SETDB2: variants seen among roughly 807,000 people sequenced by gnomAD.
SETDB2 encodes the protein histone-lysine N-methyltransferase SETDB2.
In SETDB2, 56 loss-of-function variants were observed where a neutral mutation model predicts 82.5. The observed-to-expected ratio is 0.68, with a 90% confidence interval of 0.55 to 0.85. SETDB2 has a LOEUF of 0.85. Among genes scored for constraint, SETDB2 ranks in the 40% least tolerant of loss-of-function variants. SETDB2 has a pLI of 0.00. For missense variants in SETDB2, 677 were observed against 816.4 expected (o/e 0.83, Z 2.08); for synonymous variants, 272 against 284.9 (o/e 0.95, Z 0.46).
intron 1 of SETDB2, chr13:49,446,342 C>CT (rs1957686297): frequency 2.2e-6 from 1 of 454,058 alleles, no homozygotes; most frequent in African/African-American, 2.0e-5. Flanking sequence ...CGTATTTTTC[C>CT]TTCTTGAAAG....
At chr13:49,461,893 A>G (rs917325590) in intron 4 of SETDB2, among the ~76,000 whole-genome samples, 43 of 152,302 alleles carry the variant, frequency 2.8e-4, no homozygotes, top group African/African-American at 1.0e-3. Flanking sequence ...CTCAGATTCC[A>G]TGATTTGCTA....
intron 4 of SETDB2, among the ~76,000 whole-genome samples, chr13:49,462,120 GT>G (rs1958006794): frequency 6.6e-6 from 1 of 152,152 alleles, no homozygotes; most frequent in Non-Finnish European, 1.5e-5. Flanking sequence ...GAACCCTGTT[GT>G]TCAGGGGTTT....
Position 49,476,525 on chromosome 13 carries a change from T to G in SETDB2, c.355T>G (p.Phe119Val). The G allele has an allele frequency of 6.2e-7, 1 of 1,612,498 alleles. No homozygotes were observed. Residue 119 changes from phenylalanine to valine, a missense_variant, in exon 6 of 14, where the codon TTT (phenylalanine) becomes GTT (valine). This residue lies in a region of SETDB2 where 243 missense variants were observed against 237.2 expected (regional missense o/e 1.02). Transcript: ENST00000611815. ...ILSLEDKVVD[F>V]REKDSSSNLS... ...CTCTCTTGAAGATAAAGTTGTAGAC[T>G]TTAGAGAAAAAGACTCATCTTCGAA...
rs1958734221 is a variant in SETDB2, at chr13:49,492,624, T to G, written c.*775T>G. On this transcript the variant is annotated 3_prime_UTR_variant, in exon 14 of 14. Coordinates refer to ENST00000611815, the MANE Select transcript of SETDB2 (RefSeq NM_001160308.3). ...TAGAAAGTAGTCACACGTTGCTTATTTAGGCCAGAAGTAATTGTACTGGGC... is the reference window on the plus strand; with the variant it reads ...TAGAAAGTAGTCACACGTTGCTTATGTAGGCCAGAAGTAATTGTACTGGGC... The G allele has an allele frequency of 6.6e-6, 1 of 152,212 alleles. No individual in the cohort carries two copies. Among genetic ancestry groups the G allele is most frequent in the Non-Finnish European group, 1.5e-5 (1 of 68,056 alleles). 9.4% of individuals were successfully genotyped at this position (152,212 alleles called of 1,614,324 possible). A position where few individuals can be genotyped will look rare whatever the true frequency, so the allele number is the denominator to read the frequency against.
intron 5 of SETDB2, among the ~76,000 whole-genome samples, chr13:49,469,048 C>G (rs921518332): frequency 6.6e-6 from 1 of 152,124 alleles, no homozygotes; most frequent in Non-Finnish European, 1.5e-5. Context: ...AACTTAAATG[C>G]AGGAGTGGTT....
In SETDB2 at chr13:49,482,733, T is replaced by G; in HGVS notation, c.1157-4T>G. 6.3e-7 allele frequency: 1 copy of G among 1,588,690 alleles called. No individual in the cohort carries two copies. The highest frequency in any genetic ancestry group is 8.6e-7 in the Non-Finnish European group (1 of 1,160,824). On this transcript the variant is annotated splice_polypyrimidine_tract_variant and splice_region_variant and intron_variant, in intron 8 of 13. Coordinates refer to ENST00000611815, the MANE Select transcript of SETDB2 (RefSeq NM_001160308.3). ...GTTCAAACTCTTTAACATTTTCCTT[T>G]TAGGAAGATTACTAAGCAGAGCTAA...
intron 6 of SETDB2, among the ~76,000 whole-genome samples, chr13:49,479,417 CAG>C (rs1958433881): frequency 6.6e-6 from 1 of 152,188 alleles, no homozygotes; most frequent in Admixed American, 6.5e-5. Context: ...TATCTGTAAA[CAG>C]AATCCAAATT....
intron 2 of SETDB2, among the ~76,000 whole-genome samples, 173 bp downstream of exon 2, chr13:49,452,082 G>A (rs149224539): frequency 8.7e-4 from 132 of 151,544 alleles, no homozygotes; most frequent in Admixed American, 5.4e-3. Context: ...TTTATCATTA[G>A]TTGTGAAAAA....
At chr13:49,476,148 C>A (rs1958354807) in intron 5 of SETDB2, among the ~76,000 whole-genome samples, 1 of 152,086 alleles carries the variant, frequency 6.6e-6, no homozygotes, top group Non-Finnish European at 1.5e-5. Flanking sequence ...AGGTATAAGG[C>A]AGACCTGGTG....
intron 5 of SETDB2, among the ~76,000 whole-genome samples, chr13:49,472,123 C>G (rs1305635860): frequency 1.3e-5 from 2 of 151,476 alleles, no homozygotes; most frequent in East Asian, 3.9e-4. Context: ...ATAAAAAGCC[C>G]AGTATGTATA....
At chr13:49,463,051 G>C (rs1002545256) in intron 4 of SETDB2, among the ~76,000 whole-genome samples, 6 of 152,094 alleles carry the variant, frequency 3.9e-5, no homozygotes, top group Non-Finnish European at 7.4e-5. Flanking sequence ...TCTCTCCCAG[G>C]CTGGAGTACA....
At chr13:49,447,440 T>G (rs1192668792) in intron 1 of SETDB2, among the ~76,000 whole-genome samples, 1 of 152,142 alleles carries the variant, frequency 6.6e-6, no homozygotes, top group African/African-American at 2.4e-5. Flanking sequence ...ATAGCAACTG[T>G]CTTCATCTTG....
chr13:49,465,888 AT>A (rs1958102524), intron 4 of SETDB2, among the ~76,000 whole-genome samples: 1 of 152,208 alleles, frequency 6.6e-6, no homozygotes, highest in Non-Finnish European at 1.5e-5. Flanking sequence ...AAGGGTAGCC[AT>A]CTGAGGACCA....
At chr13:49,480,625 G>C (rs917878399) in intron 7 of SETDB2, among the ~76,000 whole-genome samples, 15 of 152,168 alleles carry the variant, frequency 9.9e-5, no homozygotes, top group Non-Finnish European at 5.9e-5. Flanking sequence ...AAAAATAACT[G>C]TCTAGAACTC....
intron 4 of SETDB2, among the ~76,000 whole-genome samples, chr13:49,464,436 T>C (rs2138874843): frequency 6.6e-6 from 1 of 152,318 alleles, no homozygotes; most frequent in East Asian, 1.9e-4. Context: ...ATATTTAGTT[T>C]TGCAAGAGAG....
intron 4 of SETDB2, among the ~76,000 whole-genome samples, chr13:49,463,212 T>G (rs1386524123): frequency 6.6e-6 from 1 of 151,962 alleles, no homozygotes; most frequent in South Asian, 2.1e-4. Flanking sequence ...GGTTTCACCA[T>G]GTTGCCCAGA....
intron 5 of SETDB2, among the ~76,000 whole-genome samples, chr13:49,475,972 G>A (rs1408361323): frequency 6.6e-6 from 1 of 151,996 alleles, no homozygotes; most frequent in Non-Finnish European, 1.5e-5. Flanking sequence ...GCCAGCCTTT[G>A]TTTTTTTGCA....
intron 4 of SETDB2, among the ~76,000 whole-genome samples, chr13:49,461,668 T>C (rs1457106549): frequency 6.6e-6 from 1 of 152,224 alleles, no homozygotes; most frequent in Non-Finnish European, 1.5e-5. Flanking sequence ...GGGTTTTCCA[T>C]GCCATGCAAT....
chr13:49,477,852 A>C (rs1332042696), intron 6 of SETDB2, among the ~76,000 whole-genome samples: 3 of 152,256 alleles, frequency 2.0e-5, no homozygotes, highest in Non-Finnish European at 4.4e-5. Flanking sequence ...TTGCTGGCTA[A>C]TGTGATGCTT....
Sources: gnomAD v4.1 joint callset for allele counts (sites outside exome capture counted in the v4.1 genomes callset) on GRCh38, gnomAD v4.1.1 for gene constraint, gnomAD v4.1.1 regional missense constraint, MANE v1.5 for transcripts, NCBI Gene and HGNC (gene_info 2026-07-23, HGNC 2026-07-21) for gene names.